The following ANO4 variants were observed in gnomAD, a reference collection of about 807,000 sequenced individuals.
ANO4 encodes anoctamin-4.
Under a neutral mutation model 141.9 loss-of-function variants are expected in ANO4, and 69 were observed. That is an observed-to-expected ratio of 0.49 (90% CI 0.40 to 0.59). The LOEUF is 0.59. Among genes scored for constraint, ANO4 ranks in the 20% least tolerant of loss-of-function variants. The pLI, the probability that ANO4 is intolerant of heterozygous loss-of-function variation, is 0.00. For synonymous variants in ANO4, 350 were observed against 394.3 expected, an observed-to-expected ratio of 0.89 and a Z score of 1.33; for missense variants, 894 against 1,162.2, an observed-to-expected ratio of 0.77 and a Z score of 3.36.
At chr12:100,972,421 C>G (rs2043971433) in intron 6 of ANO4, among the ~76,000 whole-genome samples, 1 of 152,106 alleles carries the variant, frequency 6.6e-6, no homozygotes, top group Non-Finnish European at 1.5e-5. Flanking sequence ...GCCTGTATGT[C>G]CTAATACCAA....
chr12:100,811,494 A>G (rs370765494), intron 1 of ANO4, among the ~76,000 whole-genome samples: 1 of 152,188 alleles, frequency 6.6e-6, no homozygotes, highest in Non-Finnish European at 1.5e-5. Context: ...CCCTTTTGTC[A>G]GACCCTGACT....
chr12:100,930,539 A>C (rs1237564484), intron 3 of ANO4, among the ~76,000 whole-genome samples: 1 of 152,128 alleles, frequency 6.6e-6, no homozygotes. Flanking sequence ...CCACTAATCT[A>C]TGTGTCTGTT....
intron 1 of ANO4, among the ~76,000 whole-genome samples, chr12:100,809,883 A>G (rs1342913151): frequency 6.6e-6 from 1 of 152,144 alleles, no homozygotes; most frequent in East Asian, 1.9e-4. Flanking sequence ...GTTTTCTCTT[A>G]AACTAGGACA....
At chr12:101,113,897 C>T (rs2050754739) in intron 24 of ANO4, among the ~76,000 whole-genome samples, 1 of 152,222 alleles carries the variant, frequency 6.6e-6, no homozygotes, top group East Asian at 1.9e-4. Context: ...AATGGCACTA[C>T]CCTGTAGAAG....
intron 22 of ANO4, among the ~76,000 whole-genome samples, chr12:101,109,300 C>A (rs2050569444): frequency 6.6e-6 from 1 of 152,184 alleles, no homozygotes; most frequent in Non-Finnish European, 1.5e-5. Flanking sequence ...CGGTGACTCA[C>A]ACTTGTAATC....
intron 15 of ANO4, among the ~76,000 whole-genome samples, chr12:101,082,604 A>G (rs1032009868): frequency 1.3e-5 from 2 of 152,198 alleles, no homozygotes; most frequent in Non-Finnish European, 2.9e-5. Flanking sequence ...CTCCTAATGT[A>G]TCTCCTGCTG....
At chr12:101,045,002 T>TTA (rs1566170138) in intron 13 of ANO4, among the ~76,000 whole-genome samples, 1 of 152,098 alleles carries the variant, frequency 6.6e-6, no homozygotes, top group Non-Finnish European at 1.5e-5. Flanking sequence ...AGCCAATTTT[T>TTA]TTTTTTAATG....
intron 1 of ANO4, among the ~76,000 whole-genome samples, chr12:100,833,852 A>G (rs2036760683): frequency 6.6e-6 from 1 of 152,148 alleles, no homozygotes; most frequent in Non-Finnish European, 1.5e-5. Context: ...ACCCCATGGG[A>G]CTTGCATTCT....
chr12:101,025,976 A>G (rs2046719864), intron 9 of ANO4, among the ~76,000 whole-genome samples: 1 of 152,242 alleles, frequency 6.6e-6, no homozygotes, highest in Non-Finnish European at 1.5e-5. Flanking sequence ...ATTATGCTTA[A>G]TGATAAAAGA....
At chr12:100,719,143 A>G (rs1012139533) in intron 1 of ANO4, among the ~76,000 whole-genome samples, 3 of 152,246 alleles carry the variant, frequency 2.0e-5, no homozygotes, top group African/African-American at 7.2e-5. Flanking sequence ...TAAGAATTAC[A>G]CAGGTTTCTC....
chr12:101,033,453 A>G (rs942142498), intron 9 of ANO4, among the ~76,000 whole-genome samples: 8 of 152,030 alleles, frequency 5.3e-5, no homozygotes, highest in African/African-American at 1.5e-4. Flanking sequence ...TGTACCCTAA[A>G]ACTTAAAGTA....
chr12:100,975,506 C>T (rs2044134978), intron 7 of ANO4, among the ~76,000 whole-genome samples: 2 of 150,450 alleles, frequency 1.3e-5, no homozygotes, highest in Non-Finnish European at 3.0e-5. Flanking sequence ...ACCGCAACCT[C>T]CGCCTCCTGG....
At chr12:100,797,318 C>G (rs2034394515) in intron 1 of ANO4, among the ~76,000 whole-genome samples, 1 of 151,328 alleles carries the variant, frequency 6.6e-6, no homozygotes, top group African/African-American at 2.4e-5. Flanking sequence ...CTTCCTAGAC[C>G]CCACTTCCAG....
chr12:100,990,700 T>C (rs1293017446), intron 8 of ANO4, among the ~76,000 whole-genome samples: 1 of 152,100 alleles, frequency 6.6e-6, no homozygotes, highest in Non-Finnish European at 1.5e-5. Context: ...TGGGTGTGAC[T>C]TAAGAGGGGG....
chr12:101,048,467 G>T, intron 14 of ANO4, 66 bp downstream of exon 14: 5 of 1,412,742 alleles, frequency 3.5e-6, no homozygotes, highest in Non-Finnish European at 4.9e-6. Flanking sequence ...TCCTTTAGAA[G>T]TTTCACTTTG....
At chr12:100,768,851 G>A (rs1180197353) in intron 3 of ANO4, among the ~76,000 whole-genome samples, 2 of 152,138 alleles carry the variant, frequency 1.3e-5, no homozygotes, top group African/African-American at 4.8e-5. Flanking sequence ...GGGAGTGTGG[G>A]TGTAGAATTA....
At chr12:101,057,590 T>G (rs2048175249) in intron 14 of ANO4, among the ~76,000 whole-genome samples, 2 of 152,234 alleles carry the variant, frequency 1.3e-5, no homozygotes. Flanking sequence ...ATTGTGGTTT[T>G]GATTTGCATT....
intron 5 of ANO4, among the ~76,000 whole-genome samples, chr12:100,944,191 A>C (rs974049271): frequency 6.6e-6 from 1 of 152,170 alleles, no homozygotes; most frequent in Non-Finnish European, 1.5e-5. Context: ...AAAGTGATGG[A>C]AAGTGTCCTG....
chr12:100,760,860 T>C (rs1004476206), intron 3 of ANO4, among the ~76,000 whole-genome samples: 2 of 152,146 alleles, frequency 1.3e-5, no homozygotes, highest in African/African-American at 4.8e-5. Context: ...TTGGGCTTGT[T>C]TGGATAGCGA....
Sources: gnomAD v4.1 joint callset for allele counts (sites outside exome capture counted in the v4.1 genomes callset) on GRCh38, gnomAD v4.1.1 for gene constraint, MANE v1.5 for transcripts, NCBI Gene and HGNC (gene_info 2026-07-23, HGNC 2026-07-21) for gene names.